IGFBP2: variants seen among roughly 807,000 people sequenced by gnomAD.
IGFBP2 encodes the protein insulin like growth factor binding protein 2.
Under a neutral mutation model 26.2 loss-of-function variants are expected in IGFBP2, and 12 were observed. That is an observed-to-expected ratio of 0.46 (90% CI 0.29 to 0.74). The LOEUF (loss-of-function observed/expected upper bound fraction) is 0.74, where lower values mean the gene tolerates loss of function less well. Ranked by LOEUF, IGFBP2 falls within the 30% of genes least tolerant of loss-of-function variation. The probability of loss-of-function intolerance (pLI) is 0.09; values close to 1 mark genes in which losing one functional copy is unlikely to be tolerated. For missense variants in IGFBP2, 328 were observed against 441.2 expected, an observed-to-expected ratio of 0.74 and a Z score of 2.30; for synonymous variants, 189 against 200.6, an observed-to-expected ratio of 0.94 and a Z score of 0.49.
intron 3 of IGFBP2, 45 bp downstream of exon 3, chr2:216,662,043 C>G (rs747398088): frequency 1.2e-6 from 2 of 1,604,682 alleles, no homozygotes; most frequent in African/African-American, 1.3e-5. Context: ...CTCCTCAGCC[C>G]TGGGCCCCAG....
At chr2:216,644,482 C>T (rs1246989942) in intron 1 of IGFBP2, among the ~76,000 whole-genome samples, 1 of 152,196 alleles carries the variant, frequency 6.6e-6, no homozygotes, top group South Asian at 2.1e-4. Flanking sequence ...GGACTGAGTC[C>T]CGGAAGGCCT....
At chr2:216,659,837 T>G in intron 1 of IGFBP2, 1 of 1,035,782 alleles carries the variant, frequency 9.7e-7, no homozygotes, top group Non-Finnish European at 1.5e-6. Context: ...ACAGACAGAC[T>G]TGGGAACGAG....
chr2:216,639,931 C>T (rs1426575671), intron 1 of IGFBP2, among the ~76,000 whole-genome samples: 3 of 152,192 alleles, frequency 2.0e-5, no homozygotes, highest in Non-Finnish European at 2.9e-5. Flanking sequence ...GCGTGAACCA[C>T]TGCACCTGGC....
chr2:216,642,653 G>A (rs977031921), intron 1 of IGFBP2, among the ~76,000 whole-genome samples: 2 of 152,170 alleles, frequency 1.3e-5, no homozygotes, highest in South Asian at 2.1e-4. Context: ...CTTTGGATCC[G>A]ATGTGCTGAT....
chr2:216,638,902 G>T (rs1697557830), intron 1 of IGFBP2, among the ~76,000 whole-genome samples: 1 of 151,110 alleles, frequency 6.6e-6, no homozygotes, highest in African/African-American at 2.4e-5. Context: ...GGGTTTCACA[G>T]TGTTAGCCAG....
At chr2:216,654,802 A>G (rs1697887941) in intron 1 of IGFBP2, among the ~76,000 whole-genome samples, 1 of 152,208 alleles carries the variant, frequency 6.6e-6, no homozygotes, top group African/African-American at 2.4e-5. Context: ...AGATCAATAA[A>G]GAAATGGAAT....
At chr2:216,660,222 T>C (rs555325532) in intron 1 of IGFBP2, among the ~76,000 whole-genome samples, 18 of 152,272 alleles carry the variant, frequency 1.2e-4, no homozygotes, top group African/African-American at 3.9e-4. Flanking sequence ...AGAGGGTCCC[T>C]GTCATTCTTC....
intron 1 of IGFBP2, among the ~76,000 whole-genome samples, chr2:216,652,196 T>C (rs1029615864): frequency 1.3e-5 from 2 of 149,626 alleles, no homozygotes; most frequent in Admixed American, 6.7e-5. Flanking sequence ...TTTTTGAGAC[T>C]GAGCTTTGCT....
At chr2:216,646,076 T>C (rs1176470767) in intron 1 of IGFBP2, among the ~76,000 whole-genome samples, 1 of 152,234 alleles carries the variant, frequency 6.6e-6, no homozygotes, top group Non-Finnish European at 1.5e-5. Context: ...AAGACACTTA[T>C]TTATATTCAA....
chr2:216,648,701 C>T (rs538655289), intron 1 of IGFBP2, among the ~76,000 whole-genome samples: 108 of 152,190 alleles, frequency 7.1e-4, no homozygotes, highest in Middle Eastern at 3.4e-3. Flanking sequence ...CTTCGCCTCC[C>T]GGGTTCAAGC....
intron 1 of IGFBP2, among the ~76,000 whole-genome samples, chr2:216,656,562 C>A (rs879168338): frequency 6.6e-6 from 1 of 152,184 alleles, no homozygotes. Context: ...TTGTTCCAAC[C>A]TGGGGAGGGT....
chr2:216,639,200 T>G (rs1055444440), intron 1 of IGFBP2, among the ~76,000 whole-genome samples: 3 of 151,894 alleles, frequency 2.0e-5, no homozygotes, highest in Admixed American at 2.0e-4. Context: ...ACACGGTTAA[T>G]ATTTTTGTAT....
intron 1 of IGFBP2, among the ~76,000 whole-genome samples, chr2:216,650,883 C>A (rs1697805934): frequency 6.6e-6 from 1 of 152,138 alleles, no homozygotes; most frequent in African/African-American, 2.4e-5. Flanking sequence ...GGCTGGCTCC[C>A]TTGCAGGAAG....
intron 1 of IGFBP2, among the ~76,000 whole-genome samples, chr2:216,639,289 G>C (rs761725921): frequency 3.4e-4 from 52 of 152,080 alleles, no homozygotes; most frequent in Non-Finnish European, 5.9e-4. Flanking sequence ...GCCCGCCTTG[G>C]CCTCCCAAAG....
At chr2:216,663,717 G>A (rs563559755) in intron 3 of IGFBP2, 102 of 481,864 alleles carry the variant, frequency 2.1e-4, no homozygotes, top group African/African-American at 1.2e-3. Flanking sequence ...TCAGCATCAC[G>A]TTGGAGCTCG....
At chr2:216,662,117 A>T in intron 3 of IGFBP2, 119 bp downstream of exon 3, 2 of 1,171,228 alleles carry the variant, frequency 1.7e-6, no homozygotes, top group Non-Finnish European at 2.4e-6. Context: ...TGAGAGACTC[A>T]GACTCCTGTC....
At chr2:216,636,852 G>A (rs1173014812) in intron 1 of IGFBP2, among the ~76,000 whole-genome samples, 2 of 146,072 alleles carry the variant, frequency 1.4e-5, no homozygotes, top group African/African-American at 5.0e-5. Context: ...CGTTTGGCCC[G>A]CTGCACGTAT....
rs117621489 is a variant in IGFBP2 at position 216,653,275 on chromosome 2, G to A, written c.443-7282G>A. 3.5e-4 allele frequency among the ~76,000 whole-genome samples: 53 copies of A among 152,320 alleles called. No homozygotes were observed. In the East Asian group the frequency reaches 9.9e-3, roughly 28 times the overall value. On this transcript the variant is annotated intron_variant, in intron 1 of 3. Coordinates refer to ENST00000233809, the MANE Select transcript of IGFBP2 (RefSeq NM_000597.3). Reference sequence around the variant, plus strand: ...CACTGAGGTCAGAACATTGTGCTAGGAGAAAATGAGATTTTGTGGGAGTCC... The same window carrying A: ...CACTGAGGTCAGAACATTGTGCTAGAAGAAAATGAGATTTTGTGGGAGTCC...
At chr2:216,658,635 C>T (rs1024752576) in intron 1 of IGFBP2, among the ~76,000 whole-genome samples, 1 of 152,090 alleles carries the variant, frequency 6.6e-6, no homozygotes, top group Non-Finnish European at 1.5e-5. Context: ...CTGCAACCTC[C>T]ACCTCCTGGG....
Sources: gnomAD v4.1 joint callset for allele counts (sites outside exome capture counted in the v4.1 genomes callset) on GRCh38, gnomAD v4.1.1 for gene constraint, MANE v1.5 for transcripts, NCBI Gene and HGNC (gene_info 2026-07-23, HGNC 2026-07-21) for gene names.